The following NEGR1 variants were observed in gnomAD, a reference collection of about 807,000 sequenced individuals.
NEGR1 encodes the protein IgLON family member 4.
NEGR1 carries 10 observed loss-of-function variants against 40.9 expected under a neutral mutation model. The observed-to-expected ratio is 0.24, with a 90% CI of 0.15 to 0.42. NEGR1 has a LOEUF of 0.42. Among genes scored for constraint, NEGR1 ranks in the 10% least tolerant of loss-of-function variants. NEGR1 has a pLI of 1.00. For synonymous variants in NEGR1, 185 were observed against 166.8 expected, an observed-to-expected ratio of 1.11 and a Z score of -0.84; for missense variants, 352 against 438.9, an observed-to-expected ratio of 0.80 and a Z score of 1.77.
intron 2 of NEGR1, among the ~76,000 whole-genome samples, chr1:71,808,826 A>G (rs1657876407): frequency 6.6e-6 from 1 of 152,166 alleles, no homozygotes; most frequent in South Asian, 2.1e-4. Context: ...TCTTAGAGTA[A>G]ACTATCTAAA....
At chr1:72,216,371 T>TTATATATATATACATA (rs1206291541) in intron 1 of NEGR1, among the ~76,000 whole-genome samples, 1 of 115,704 alleles carries the variant, frequency 8.6e-6, no homozygotes, top group African/African-American at 4.0e-5. Context: ...AACTTGGAAG[T>TTATATATATATACATA]TATATATATA....
chr1:72,266,724 AAC>A (rs3082237), intron 1 of NEGR1, among the ~76,000 whole-genome samples: 3,608 of 133,734 alleles, frequency 0.027, 81 homozygotes, highest in East Asian at 0.057. Flanking sequence ...TAGACAGATA[AAC>A]ACACACACAC....
At chr1:71,771,237 G>A (rs1656309257) in intron 3 of NEGR1, among the ~76,000 whole-genome samples, 1 of 152,122 alleles carries the variant, frequency 6.6e-6, no homozygotes, top group Admixed American at 6.5e-5. Flanking sequence ...ACTCATAAGT[G>A]GGAGTTGAAC....
At chr1:71,928,953 G>T (rs974368548) in intron 2 of NEGR1, among the ~76,000 whole-genome samples, 2 of 152,026 alleles carry the variant, frequency 1.3e-5, no homozygotes, top group Admixed American at 6.5e-5. Flanking sequence ...ATTTATGGTA[G>T]AACAGGTCGA....
chr1:72,127,807 T>A (rs2100305427), intron 1 of NEGR1, among the ~76,000 whole-genome samples: 1 of 152,306 alleles, frequency 6.6e-6, no homozygotes, highest in African/African-American at 2.4e-5. Flanking sequence ...GAAGCCAGTA[T>A]CTTCATATAC....
intron 4 of NEGR1, among the ~76,000 whole-genome samples, chr1:71,664,708 T>A (rs1263884176): frequency 6.6e-6 from 1 of 152,054 alleles, no homozygotes; most frequent in East Asian, 1.9e-4. Context: ...ACCCTCTCAG[T>A]GCTATTTGGC....
At chr1:71,482,393 CTG>C (rs935977209) in intron 6 of NEGR1, among the ~76,000 whole-genome samples, 47 of 151,862 alleles carry the variant, frequency 3.1e-4, no homozygotes, top group African/African-American at 1.1e-3. Context: ...GTAGAACAAA[CTG>C]TTAGGTGGTG....
Position 71,877,153 on chromosome 1 carries a change from C to CAA in NEGR1, c.409+57924_409+57925dup, listed in dbSNP as rs71586965. 8.1e-4 allele frequency among the ~76,000 whole-genome samples: 116 copies of CAA among 142,624 alleles called. 2 individuals are homozygous for CAA. The East Asian group carries it at 0.011, about 13-fold the overall frequency. 93.6% of individuals were successfully genotyped at this position (142,624 alleles called of 152,430 possible). A position where few individuals can be genotyped will look rare whatever the true frequency, so the allele number is the denominator to read the frequency against. On this transcript the variant is annotated intron_variant, in intron 2 of 6. Transcript: ENST00000357731. ...GTAGCACGACAAAAACAAAACAAAA[C>CAA]AAAAAAAAAACAAAAAAAGGGTCTG...
chr1:71,869,073 AT>A (rs1660202230), intron 2 of NEGR1, among the ~76,000 whole-genome samples: 4 of 152,110 alleles, frequency 2.6e-5, no homozygotes. Context: ...AAAAACTATA[AT>A]TTGTTCATCT....
chr1:72,205,247 T>C (rs1653350883), intron 1 of NEGR1, among the ~76,000 whole-genome samples: 1 of 152,000 alleles, frequency 6.6e-6, no homozygotes, highest in African/African-American at 2.4e-5. Flanking sequence ...CCTCCATTCT[T>C]ACCCAACCCA....
At chr1:72,230,045 A>C (rs1654314205) in intron 1 of NEGR1, among the ~76,000 whole-genome samples, 1 of 152,104 alleles carries the variant, frequency 6.6e-6, no homozygotes, top group South Asian at 2.1e-4. Flanking sequence ...TGTTTAGGCA[A>C]CCACATTGGG....
chr1:71,804,959 C>T (rs1001082299), intron 2 of NEGR1, among the ~76,000 whole-genome samples: 1 of 152,124 alleles, frequency 6.6e-6, no homozygotes, highest in African/African-American at 2.4e-5. Context: ...TTTTTCTCAG[C>T]AAGGAACATC....
intron 2 of NEGR1, among the ~76,000 whole-genome samples, chr1:71,898,195 C>T (rs1661024785): frequency 6.6e-6 from 1 of 152,160 alleles, no homozygotes; most frequent in South Asian, 2.1e-4. Flanking sequence ...AAATTTCCGT[C>T]ATTGAGGAAG....
At chr1:71,512,317 A>G (rs1647079911) in intron 6 of NEGR1, among the ~76,000 whole-genome samples, 1 of 152,188 alleles carries the variant, frequency 6.6e-6, no homozygotes, top group East Asian at 1.9e-4. Context: ...ATAATGCTTT[A>G]CTAAACAAAA....
chr1:71,983,720 T>C (rs1450501399), intron 1 of NEGR1, among the ~76,000 whole-genome samples: 5 of 152,132 alleles, frequency 3.3e-5, no homozygotes, highest in Admixed American at 6.6e-5. Context: ...CAAATAGAGA[T>C]TGGACAAAGG....
intron 1 of NEGR1, among the ~76,000 whole-genome samples, chr1:72,171,470 C>T (rs1249601534): frequency 2.0e-5 from 3 of 152,072 alleles, no homozygotes; most frequent in Non-Finnish European, 2.9e-5. Context: ...GAAATATCAC[C>T]GATAGCTACA....
intron 2 of NEGR1, among the ~76,000 whole-genome samples, chr1:71,928,521 T>TAC (rs1557439544): frequency 6.9e-6 from 1 of 145,798 alleles, no homozygotes; most frequent in South Asian, 2.1e-4. Flanking sequence ...TGTATATATA[T>TAC]ACACACATCT....
intron 3 of NEGR1, among the ~76,000 whole-genome samples, chr1:71,719,202 T>C (rs1040579429): frequency 1.2e-4 from 19 of 152,166 alleles, no homozygotes; most frequent in Non-Finnish European, 2.1e-4. Flanking sequence ...CATGATGATA[T>C]ATGAGGCTTA....
chr1:71,497,472 T>C (rs1646971903), intron 6 of NEGR1, among the ~76,000 whole-genome samples: 1 of 152,158 alleles, frequency 6.6e-6, no homozygotes, highest in South Asian at 2.1e-4. Context: ...TAAGACAATT[T>C]AAGGAGCTTT....
Sources: allele counts gnomAD v4.1 joint callset (sites outside exome capture counted in the v4.1 genomes callset), GRCh38; gene constraint gnomAD v4.1.1; transcripts MANE v1.5; gene names NCBI Gene and HGNC (gene_info 2026-07-23, HGNC 2026-07-21).